The following HCN1 variants were observed in gnomAD, a reference collection of about 807,000 sequenced individuals.
HCN1 encodes hyperpolarization activated cyclic nucleotide gated potassium channel 1.
HCN1 carries 13 observed loss-of-function variants against 78.9 expected under a neutral mutation model. That is an observed-to-expected ratio of 0.16 (90% confidence interval 0.11 to 0.26). The LOEUF is 0.26. Ranked by LOEUF, HCN1 falls within the 10% of genes least tolerant of loss-of-function variation. The pLI is 1.00. For missense variants in HCN1, 810 were observed against 1,154.3 expected (o/e 0.70, Z 4.32); for synonymous variants, 552 against 455.5 (o/e 1.21, Z -2.70).
intron 5 of HCN1, among the ~76,000 whole-genome samples, chr5:45,315,980 A>G (rs1280712488): frequency 1.3e-5 from 2 of 152,246 alleles, no homozygotes; most frequent in Admixed American, 1.3e-4. Flanking sequence ...GAATTCTACC[A>G]GAGGTAGAAG....
intron 2 of HCN1, among the ~76,000 whole-genome samples, chr5:45,639,250 A>AGAAT (rs1745410901): frequency 6.6e-6 from 1 of 152,228 alleles, no homozygotes; most frequent in Non-Finnish European, 1.5e-5. Flanking sequence ...AATAGAGGAC[A>AGAAT]CCTAGTGGTC....
chr5:45,287,978 T>C (rs1305967331), intron 6 of HCN1, among the ~76,000 whole-genome samples: 1 of 152,108 alleles, frequency 6.6e-6, no homozygotes, highest in Non-Finnish European at 1.5e-5. Flanking sequence ...CATTTCATCC[T>C]CTAAGCAAAC....
chr5:45,311,478 T>G (rs184011502), intron 5 of HCN1, among the ~76,000 whole-genome samples: 1 of 152,308 alleles, frequency 6.6e-6, no homozygotes, highest in Non-Finnish European at 1.5e-5. Context: ...TAATTTTTGC[T>G]AATATTTTAT....
At chr5:45,498,960 G>T (rs916788332) in intron 2 of HCN1, among the ~76,000 whole-genome samples, 14 of 152,166 alleles carry the variant, frequency 9.2e-5, no homozygotes, top group African/African-American at 3.4e-4. Context: ...CCAGCTGCGT[G>T]CTGGGAGAAC....
At chr5:45,318,361 C>T (rs772189145) in intron 5 of HCN1, among the ~76,000 whole-genome samples, 25 of 151,926 alleles carry the variant, frequency 1.6e-4, no homozygotes, top group Non-Finnish European at 2.4e-4. Flanking sequence ...GGGAATTGAA[C>T]AATGAGAATA....
chr5:45,291,685 C>T (rs1392651537), intron 6 of HCN1, among the ~76,000 whole-genome samples: 1 of 151,808 alleles, frequency 6.6e-6, no homozygotes, highest in East Asian at 1.9e-4. Flanking sequence ...TATGTGCTAC[C>T]ACATCCAGCT....
At chr5:45,300,442 T>C (rs1054178097) in intron 6 of HCN1, among the ~76,000 whole-genome samples, 2 of 152,072 alleles carry the variant, frequency 1.3e-5, no homozygotes, top group Non-Finnish European at 2.9e-5. Context: ...ACCTTGATGA[T>C]GATCCATTTA....
intron 2 of HCN1, among the ~76,000 whole-genome samples, chr5:45,596,144 C>T (rs1230750074): frequency 6.6e-6 from 1 of 152,050 alleles, no homozygotes; most frequent in South Asian, 2.1e-4. Flanking sequence ...GTGATCCACC[C>T]GCCTTGGCCT....
At chr5:45,519,668 A>G (rs774201580) in intron 2 of HCN1, among the ~76,000 whole-genome samples, 1 of 151,990 alleles carries the variant, frequency 6.6e-6, no homozygotes, top group South Asian at 2.1e-4. Flanking sequence ...TTCATTCCAA[A>G]TAGCATGAGA....
intron 2 of HCN1, among the ~76,000 whole-genome samples, chr5:45,584,487 T>C (rs1459274870): frequency 6.6e-6 from 1 of 151,928 alleles, no homozygotes; most frequent in Non-Finnish European, 1.5e-5. Flanking sequence ...TTATCCAATT[T>C]GCCAGTCTGT....
intron 2 of HCN1, among the ~76,000 whole-genome samples, chr5:45,474,628 A>T (rs996467555): frequency 6.6e-6 from 1 of 151,666 alleles, no homozygotes; most frequent in African/African-American, 2.4e-5. Context: ...AACATATAAG[A>T]CTCTTCATGA....
rs1747373649 is a variant in HCN1, at chr5:45,371,893, T to C, written c.1231-18647A>G. 8.9e-5 allele frequency among the ~76,000 whole-genome samples: 8 copies of C among 89,968 alleles called. No homozygotes were observed. In the South Asian group the frequency reaches 2.4e-3, roughly 27 times the overall value. 59.0% of individuals were successfully genotyped at this position (89,968 alleles called of 152,430 possible). A position where few individuals can be genotyped will look rare whatever the true frequency, so the allele number is the denominator to read the frequency against. Reference sequence around the variant, plus strand: ...AATATTATATATGAAATAAATATAATATACATTATATTATAAAAAATATAT... The same window carrying C: ...AATATTATATATGAAATAAATATAACATACATTATATTATAAAAAATATAT... On this transcript the variant is annotated intron_variant, in intron 4 of 7. Coordinates refer to ENST00000303230, the MANE Select transcript of HCN1 (RefSeq NM_021072.4).
intron 5 of HCN1, among the ~76,000 whole-genome samples, chr5:45,329,290 C>G (rs1465696588): frequency 6.6e-6 from 1 of 151,518 alleles, no homozygotes; most frequent in Non-Finnish European, 1.5e-5. Context: ...CCCTGGTAAC[C>G]TCTGTTCTAC....
At chr5:45,488,690 C>T (rs1741819588) in intron 2 of HCN1, among the ~76,000 whole-genome samples, 1 of 152,106 alleles carries the variant, frequency 6.6e-6, no homozygotes, top group African/African-American at 2.4e-5. Flanking sequence ...TGCAGTCCTA[C>T]TGAGAAAGAT....
chr5:45,275,640 T>C (rs1022998356), intron 6 of HCN1, among the ~76,000 whole-genome samples: 5 of 152,256 alleles, frequency 3.3e-5, no homozygotes, highest in East Asian at 1.9e-4. Flanking sequence ...TATATATTTG[T>C]ACTACTTGTC....
intron 3 of HCN1, among the ~76,000 whole-genome samples, chr5:45,402,257 AGAATGATATGATCTAAACC>A (rs1174418235): frequency 1.3e-5 from 2 of 152,166 alleles, no homozygotes; most frequent in Non-Finnish European, 2.9e-5. Context: ...TTGTGAGCAG[AGAATGATATGATCTAAACC>A]GTATTTTAGG....
chr5:45,271,890 T>G (rs1400927951), intron 6 of HCN1, among the ~76,000 whole-genome samples: 1 of 152,010 alleles, frequency 6.6e-6, no homozygotes, highest in East Asian at 1.9e-4. Flanking sequence ...TCAAAACTCA[T>G]CAGCCATTAC....
chr5:45,373,089 T>C (rs1747460239), intron 4 of HCN1, among the ~76,000 whole-genome samples: 1 of 132,896 alleles, frequency 7.5e-6, no homozygotes, highest in South Asian at 2.2e-4. Flanking sequence ...TATATAAAAA[T>C]ATAATATATA....
chr5:45,604,266 G>A (rs1344753161), intron 2 of HCN1, among the ~76,000 whole-genome samples: 1 of 151,968 alleles, frequency 6.6e-6, no homozygotes, highest in Non-Finnish European at 1.5e-5. Flanking sequence ...GCTACCCAGA[G>A]AAGATAAGCA....
Sources: gnomAD v4.1 joint callset for allele counts (sites outside exome capture counted in the v4.1 genomes callset) on GRCh38, gnomAD v4.1.1 for gene constraint, MANE v1.5 for transcripts, NCBI Gene and HGNC (gene_info 2026-07-23, HGNC 2026-07-21) for gene names.